PRUNE1: variants seen among roughly 807,000 people sequenced by gnomAD.
PRUNE1 encodes exopolyphosphatase PRUNE1.
A neutral mutation model predicts 42.5 loss-of-function variants in PRUNE1; 25 were observed. The ratio of observed to expected loss-of-function variants is 0.59; its 90% CI spans 0.43 to 0.82. The LOEUF is 0.82. Among genes scored for constraint, PRUNE1 ranks in the 40% least tolerant of loss-of-function variants. The probability of loss-of-function intolerance (pLI) is 0.00; values close to 1 mark genes in which losing one functional copy is unlikely to be tolerated. For missense variants in PRUNE1, 443 were observed against 539.3 expected, an observed-to-expected ratio of 0.82 and a Z score of 1.77; for synonymous variants, 203 against 217.1, an observed-to-expected ratio of 0.93 and a Z score of 0.57.
Position 151,028,897 on chromosome 1 carries a change from G to C in PRUNE1, c.886G>C (p.Val296Leu), listed in dbSNP as rs1675050860. 1 of 1,613,736 alleles carries C rather than the reference G, an allele frequency of 6.2e-7. No homozygotes were observed. The highest frequency in any genetic ancestry group is 1.3e-5 in the African/African-American group (1 of 74,890). The stretch of plus-strand genomic sequence containing the variant: ...CTTTTTCAACACTCACAATGAGCCA[G>C]TGCGGCAGTTGGCTATTTTCTGTCC... ...TIFFNTHNEPVRQLAIFCPHV... is the reference protein window; with the variant it reads ...TIFFNTHNEPLRQLAIFCPHV... Residue 296 changes from valine (V) to leucine (L), a missense_variant, in exon 7 of 8, where the codon GTG (valine) becomes CTG (leucine). Val to Leu is a conservative substitution (Grantham distance 32). Transcript: ENST00000271620.
chr1:151,018,396 C>G, intron 2 of PRUNE1, 71 bp from the exon 3 acceptor site: 1 of 1,297,578 alleles, frequency 7.7e-7, no homozygotes, highest in Non-Finnish European at 1.1e-6. Context: ...CTCCTTTGGT[C>G]CCAGTAGTCT....
At chr1:151,009,220 C>T (rs765933811) in intron 1 of PRUNE1, among the ~76,000 whole-genome samples, 5 of 152,162 alleles carry the variant, frequency 3.3e-5, no homozygotes, top group Non-Finnish European at 7.3e-5. Flanking sequence ...CAGTATTTTA[C>T]TTTAAGTCAG....
At chr1:151,028,643 C>T (rs1418382863) in intron 6 of PRUNE1, 143 bp from the exon 7 acceptor site, 8 of 782,474 alleles carry the variant, frequency 1.0e-5, no homozygotes, top group South Asian at 5.3e-5. Flanking sequence ...AGGCTGGTCT[C>T]GAACTCCTGA....
At position 151,008,986 on chromosome 1, in the gene PRUNE1, C is replaced by A. The variant is rs865783587; in HGVS notation, c.39+315C>A. ...TTGCTGTCATCTTGGTCAGTTCCAT[C>A]AAAAAAACCAGGACTGTGCCGCCGC... is the stretch of plus-strand genomic sequence containing the variant. On this transcript the variant is annotated intron_variant, in intron 1 of 7. Transcript: ENST00000271620. 2.9e-4 allele frequency: 153 copies of A among 529,420 alleles called. No homozygotes were observed. The Middle Eastern group carries it at 5.3e-3, about 18-fold the overall frequency. 32.8% of individuals were successfully genotyped at this position (529,420 alleles called of 1,614,324 possible). A position where few individuals can be genotyped will look rare whatever the true frequency, so the allele number is the denominator to read the frequency against.
chr1:151,030,999 C>T (rs1167739384), intron 7 of PRUNE1, among the ~76,000 whole-genome samples: 1 of 152,130 alleles, frequency 6.6e-6, no homozygotes, highest in African/African-American at 2.4e-5. Flanking sequence ...GTGGCTCTTA[C>T]TAATCCTGTC....
chr1:151,013,990 T>C (rs1232396359), intron 1 of PRUNE1, among the ~76,000 whole-genome samples: 2 of 152,140 alleles, frequency 1.3e-5, no homozygotes, highest in Middle Eastern at 3.4e-3. Context: ...ACACTTTTTT[T>C]TTTTTTTGAG....
At chr1:151,013,076 A>G (rs1673878467) in intron 1 of PRUNE1, among the ~76,000 whole-genome samples, 1 of 152,092 alleles carries the variant, frequency 6.6e-6, no homozygotes, top group Non-Finnish European at 1.5e-5. Flanking sequence ...TCTCATTTTT[A>G]TATGAGGAAA....
chr1:151,010,561 A>G (rs1419437392), intron 1 of PRUNE1, among the ~76,000 whole-genome samples: 1 of 152,118 alleles, frequency 6.6e-6, no homozygotes, highest in Non-Finnish European at 1.5e-5. Flanking sequence ...TTGCATCATC[A>G]CATAGCCTCT....
At chr1:151,019,975 G>A (rs1674319791) in intron 3 of PRUNE1, among the ~76,000 whole-genome samples, 1 of 150,928 alleles carries the variant, frequency 6.6e-6, no homozygotes, top group Non-Finnish European at 1.5e-5. Context: ...GGGATTACAG[G>A]TGCGCGCCAC....
intron 7 of PRUNE1, among the ~76,000 whole-genome samples, chr1:151,029,992 G>A (rs115126664): frequency 0.037 from 5,685 of 151,944 alleles, 126 homozygotes; most frequent in Middle Eastern, 0.044. Context: ...GGCTGGGTGC[G>A]GTGGCTCACA....
Position 151,008,453 on chromosome 1 carries a change from G to A in PRUNE1, c.-180G>A. 9.3e-7 allele frequency: 1 copy of A among 1,077,824 alleles called. No homozygotes were observed. The highest frequency in any genetic ancestry group is 1.4e-6 in the Non-Finnish European group (1 of 738,426). The allele number at this position is 1,077,824 out of a possible 1,614,324, so 66.8% of individuals were successfully genotyped here. A position where few individuals can be genotyped will look rare whatever the true frequency, so the allele number is the denominator to read the frequency against. The stretch of plus-strand genomic sequence containing the variant: ...GGCGACGCCGGACTCCGGAGCGCCC[G>A]CTTACGCAGTTCCTCCCGGGGTCGG... On this transcript the variant is annotated 5_prime_UTR_variant, in exon 1 of 8. Coordinates refer to ENST00000271620, the MANE Select transcript of PRUNE1 (RefSeq NM_021222.3).
In PRUNE1 at chr1:151,027,997, G is replaced by A. The variant is rs117914476; in HGVS notation, c.774+670G>A. 1.1e-3 allele frequency among the ~76,000 whole-genome samples: 160 copies of A among 152,058 alleles called. 1 individual carries two copies. In the East Asian group the frequency reaches 0.028, roughly 26 times the overall value. On this transcript the variant is annotated intron_variant, in intron 6 of 7. Transcript: ENST00000271620. ...GATCTGGCCCTTGTCTTTTTCTCTG[G>A]CCTCATCTCATTCCAGCTCCACTCC...
intron 7 of PRUNE1, among the ~76,000 whole-genome samples, chr1:151,033,489 C>A (rs2102948183): frequency 6.7e-6 from 1 of 149,556 alleles, no homozygotes; most frequent in Non-Finnish European, 1.5e-5. Flanking sequence ...CTCCTGGGTT[C>A]ACGCCATTCT....
intron 5 of PRUNE1, among the ~76,000 whole-genome samples, chr1:151,027,003 C>G (rs587722507): frequency 6.6e-6 from 1 of 152,068 alleles, no homozygotes; most frequent in African/African-American, 2.4e-5. Flanking sequence ...CCAGGCTGGT[C>G]CCAAACTCCT....
chr1:151,010,102 G>T (rs916632077), intron 1 of PRUNE1, among the ~76,000 whole-genome samples: 8 of 151,982 alleles, frequency 5.3e-5, no homozygotes, highest in Non-Finnish European at 1.0e-4. Context: ...TTTTTATTTT[G>T]TATTTGTTTA....
intron 1 of PRUNE1, among the ~76,000 whole-genome samples, chr1:151,012,996 G>A (rs906068464): frequency 3.9e-5 from 6 of 152,004 alleles, no homozygotes; most frequent in Non-Finnish European, 8.8e-5. Flanking sequence ...CCCCTGACCT[G>A]AGGTGATTCG....
chr1:151,022,419 T>A (rs1389694088), intron 3 of PRUNE1, among the ~76,000 whole-genome samples: 2 of 126,156 alleles, frequency 1.6e-5, no homozygotes, highest in Admixed American at 7.6e-5. Context: ...CTGGCTAATT[T>A]TTTTTTTTTT....
Position 151,033,965 on chromosome 1 carries a change from T to A in PRUNE1, c.1093T>A (p.Ser365Thr). 1 of 1,614,102 alleles carries A rather than the reference T, an allele frequency of 6.2e-7. No individual in the cohort carries two copies. Among genetic ancestry groups the A allele is most frequent in the Non-Finnish European group, 8.5e-7 (1 of 1,179,984 alleles). Residue 365 changes from serine (S) to threonine (T), a missense_variant, in exon 8 of 8, where the codon TCC (serine) becomes ACC (threonine). By Grantham distance (58) the Ser-to-Thr change is moderately conservative. Coordinates refer to ENST00000271620, the MANE Select transcript of PRUNE1 (RefSeq NM_021222.3). Reference protein sequence around the residue: ...LQEALSAYFDSMKIPSGQPET... With the variant: ...LQEALSAYFDTMKIPSGQPET... ...GGAAGCCCTGTCAGCATATTTTGACTCCATGAAGATCCCTTCAGGACAGCC... is the reference window on the plus strand; with the variant it reads ...GGAAGCCCTGTCAGCATATTTTGACACCATGAAGATCCCTTCAGGACAGCC...
intron 1 of PRUNE1, 97 bp downstream of exon 1, chr1:151,008,768 G>T: frequency 6.8e-7 from 1 of 1,468,742 alleles, no homozygotes; most frequent in South Asian, 1.1e-5. Flanking sequence ...TCCGTGTGGA[G>T]GGAACACTGA....
Sources: allele counts gnomAD v4.1 joint callset (sites outside exome capture counted in the v4.1 genomes callset), GRCh38; gene constraint gnomAD v4.1.1; transcripts MANE v1.5; gene names NCBI Gene and HGNC (gene_info 2026-07-23, HGNC 2026-07-21).